Variants in TRIM5 observed in about 807,000 individuals in gnomAD.
TRIM5 encodes the protein tripartite motif-containing protein 5.
TRIM5 carries 31 observed loss-of-function variants against 35.6 expected under a neutral mutation model. The observed-to-expected ratio is 0.87, with a 90% confidence interval of 0.65 to 1.18. TRIM5 has a LOEUF of 1.18. Ranked by LOEUF, TRIM5 falls within the 50% of genes most tolerant of loss-of-function variation. The probability of loss-of-function intolerance (pLI) is 0.00; values close to 1 mark genes in which losing one functional copy is unlikely to be tolerated. For missense variants in TRIM5, 609 were observed against 591.6 expected, an observed-to-expected ratio of 1.03 and a Z score of -0.31; for synonymous variants, 243 against 215.6, an observed-to-expected ratio of 1.13 and a Z score of -1.11.
At chr11:5,608,440 G>A in the TRIM5 span, 1 of 1,610,614 alleles carries the variant, frequency 6.2e-7, no homozygotes, top group Non-Finnish European at 8.5e-7. Context: ...ACTGACAAAT[G>A]ATTCCTTTAC....
chr11:5,639,832 A>G, the TRIM5 span, among the ~76,000 whole-genome samples: 6 of 152,000 alleles, frequency 3.9e-5, no homozygotes, highest in African/African-American at 1.4e-4. Context: ...CTTTTTTAAA[A>G]ATTAGTTTTT....
At chr11:5,601,073 G>C in the TRIM5 span, among the ~76,000 whole-genome samples, 1 of 152,084 alleles carries the variant, frequency 6.6e-6, no homozygotes, top group African/African-American at 2.4e-5. Flanking sequence ...TGCCTTACCG[G>C]CCACCTCTCC....
the TRIM5 span, among the ~76,000 whole-genome samples, chr11:5,623,140 T>C: frequency 1.4e-5 from 2 of 146,374 alleles, no homozygotes; most frequent in Admixed American, 6.8e-5. Flanking sequence ...TTAGTAGCTG[T>C]CTTTTTTTGG....
intron 4 of TRIM5, chr11:5,677,938 G>A (rs1385833677): frequency 3.4e-6 from 1 of 296,308 alleles, no homozygotes; most frequent in East Asian, 5.8e-5. Flanking sequence ...CTAGAATACA[G>A]AGAATAGGAA....
the TRIM5 span, among the ~76,000 whole-genome samples, chr11:5,646,757 G>C: frequency 2.0e-5 from 3 of 152,130 alleles, no homozygotes; most frequent in Non-Finnish European, 4.4e-5. Context: ...GGAGAGGGCA[G>C]ACCCTTGACC....
chr11:5,639,898 T>A, the TRIM5 span, among the ~76,000 whole-genome samples: 5 of 152,242 alleles, frequency 3.3e-5, no homozygotes, highest in Admixed American at 3.3e-4. Flanking sequence ...GGCACAGGTA[T>A]ACAATGCATA....
At chr11:5,610,685 G>C in the TRIM5 span, 2 of 1,571,088 alleles carry the variant, frequency 1.3e-6, no homozygotes, top group Non-Finnish European at 1.7e-6. Flanking sequence ...TATAGTTCCA[G>C]TTCCTCCAAC....
chr11:5,665,446 T>A (rs752244309), intron 7 of TRIM5, 51 bp from the exon 8 acceptor site: 9 of 1,548,160 alleles, frequency 5.8e-6, no homozygotes. Context: ...ACTTTATTTG[T>A]GATATGAGAG....
At chr11:5,589,447 T>C in the TRIM5 span, 1 of 152,122 alleles carries the variant, frequency 6.6e-6, no homozygotes, top group Non-Finnish European at 1.5e-5. Context: ...GTTGACTTGT[T>C]TTCATCTCTT....
At chr11:5,674,648 A>G (rs1449969477) in intron 4 of TRIM5, among the ~76,000 whole-genome samples, 2 of 152,262 alleles carry the variant, frequency 1.3e-5, no homozygotes, top group Non-Finnish European at 2.9e-5. Context: ...AGATCTGTGC[A>G]GTGGACTCAG....
the TRIM5 span, among the ~76,000 whole-genome samples, chr11:5,594,993 G>C: frequency 6.6e-6 from 1 of 152,130 alleles, no homozygotes; most frequent in African/African-American, 2.4e-5. Flanking sequence ...TAACCTTTGC[G>C]TGGCTTCTTA....
At chr11:5,658,944 T>G (rs147185200), downstream of TRIM5, among the ~76,000 whole-genome samples, 14 of 152,026 alleles carry the variant, frequency 9.2e-5, no homozygotes, top group Non-Finnish European at 1.8e-4. Context: ...TAGGTGGGAA[T>G]TGAACAATGA....
At position 5,663,408 on chromosome 11, in the gene TRIM5, G is replaced by C; in HGVS notation, c.*1401C>G. The C allele has an allele frequency of 1.0e-6, 1 of 982,590 alleles. No individual in the cohort carries two copies. The highest frequency in any genetic ancestry group is 1.2e-6 in the Non-Finnish European group (1 of 827,380). 60.9% of individuals were successfully genotyped at this position (982,590 alleles called of 1,614,324 possible). On this transcript the variant is annotated 3_prime_UTR_variant, in exon 8 of 8. Coordinates refer to ENST00000380034, the MANE Select transcript of TRIM5 (RefSeq NM_033034.3). ...TAGAAGGCAGAATTGAAGTCATTTT[G>C]ACAGTAGTATCTGAGATCTAAAAAA...
chr11:5,682,431 G>A (rs1422278975), intron 1 of TRIM5, among the ~76,000 whole-genome samples: 1 of 152,108 alleles, frequency 6.6e-6, no homozygotes, highest in Non-Finnish European at 1.5e-5. Flanking sequence ...CCTGAGTCTG[G>A]ACTTGGTGCC....
chr11:5,618,964 G>C, the TRIM5 span, among the ~76,000 whole-genome samples: 4 of 152,202 alleles, frequency 2.6e-5, no homozygotes, highest in South Asian at 2.1e-4. Context: ...ACATGAGCAG[G>C]CTTCATGTCA....
chr11:5,617,475 A>G, the TRIM5 span, among the ~76,000 whole-genome samples: 1 of 130,872 alleles, frequency 7.6e-6, no homozygotes, highest in Non-Finnish European at 1.6e-5. Context: ...CATTATATAT[A>G]TGGACTCAAT....
At chr11:5,609,328 C>T in the TRIM5 span, among the ~76,000 whole-genome samples, 1 of 152,126 alleles carries the variant, frequency 6.6e-6, no homozygotes, top group African/African-American at 2.4e-5. Context: ...GACGGCAAAT[C>T]CTAAAATGCT....
chr11:5,667,842 A>G (rs1851261731), intron 4 of TRIM5, 131 bp from the exon 5 acceptor site: 1 of 949,442 alleles, frequency 1.1e-6, no homozygotes, highest in Admixed American at 2.8e-5. Context: ...ACAAAAAAGC[A>G]AAGATAAGAC....
At chr11:5,640,384 G>A in the TRIM5 span, among the ~76,000 whole-genome samples, 368 of 151,746 alleles carry the variant, frequency 2.4e-3, 3 homozygotes, top group African/African-American at 8.6e-3. Context: ...CATGTCTATT[G>A]AGATCATCAT....
Sources: gnomAD v4.1 joint callset for allele counts (sites outside exome capture counted in the v4.1 genomes callset) on GRCh38, gnomAD v4.1.1 for gene constraint, MANE v1.5 for transcripts, NCBI Gene and HGNC (gene_info 2026-07-23, HGNC 2026-07-21) for gene names.